The following ROBO1 variants were observed in gnomAD, a reference collection of about 807,000 sequenced individuals.
The protein encoded by ROBO1 is roundabout guidance receptor 1.
Under a neutral mutation model 195.9 loss-of-function variants are expected in ROBO1, and 149 were observed. The observed-to-expected ratio is 0.76, with a 90% confidence interval of 0.67 to 0.87. The LOEUF is 0.87. Among genes scored for constraint, ROBO1 ranks in the 40% least tolerant of loss-of-function variants. The probability of loss-of-function intolerance (pLI) is 0.00; values close to 1 mark genes in which losing one functional copy is unlikely to be tolerated. For synonymous variants in ROBO1, 816 were observed against 733.2 expected (o/e 1.11, Z -1.82); for missense variants, 1,933 against 2,068.3 (o/e 0.93, Z 1.27).
chr3:78,954,322 T>A (rs1254457167), intron 3 of ROBO1, among the ~76,000 whole-genome samples: 1 of 151,998 alleles, frequency 6.6e-6, no homozygotes, highest in African/African-American at 2.4e-5. Context: ...AAAGACACAC[T>A]AGTGCTTTTA....
intron 1 of ROBO1, among the ~76,000 whole-genome samples, chr3:79,677,667 A>G (rs1286220157): frequency 6.6e-6 from 1 of 152,112 alleles, no homozygotes; most frequent in African/African-American, 2.4e-5. Context: ...ATGCAACTGC[A>G]AGTGGTCTCT....
intron 2 of ROBO1, among the ~76,000 whole-genome samples, chr3:79,242,439 G>A (rs186612419): frequency 2.3e-4 from 35 of 152,218 alleles, no homozygotes; most frequent in Non-Finnish European, 4.1e-4. Flanking sequence ...TGAAGCCATA[G>A]GGGCACAAGG....
chr3:78,668,442 A>AT (rs750391474), intron 12 of ROBO1, 42 bp downstream of exon 12: 1 of 1,607,904 alleles, frequency 6.2e-7, no homozygotes, highest in Admixed American at 1.7e-5. Context: ...AAACAACTGC[A>AT]TTTTAAGCTT....
chr3:78,617,759 T>C lies in ROBO1; in HGVS notation c.4158A>G (p.Gly1386=), dbSNP rs2107394858. ...SASEEDNISS[G]RSSVSSSDGS... ...CGTCCGAAGAACTAACACTGGAGCGTCCGCTGGAAATGTTGTCCTCCTCTG... is the reference window on the plus strand; with the variant it reads ...CGTCCGAAGAACTAACACTGGAGCGCCCGCTGGAAATGTTGTCCTCCTCTG... Residue 1386 remains glycine, a synonymous_variant, in exon 27 of 31, where the codon GGA becomes GGG. Transcript: ENST00000464233. 1 of 1,613,926 alleles carries C rather than the reference T, an allele frequency of 6.2e-7. No homozygotes were observed. The highest frequency in any genetic ancestry group is 8.5e-7 in the Non-Finnish European group (1 of 1,179,874).
At chr3:78,628,059 T>A (rs1704930665) in intron 25 of ROBO1, among the ~76,000 whole-genome samples, 3 of 151,274 alleles carry the variant, frequency 2.0e-5, no homozygotes. Context: ...GTTCAAGCAA[T>A]TCTTTTGGCT....
At chr3:79,666,659 C>T (rs777429411) in intron 1 of ROBO1, among the ~76,000 whole-genome samples, 19 of 151,824 alleles carry the variant, frequency 1.3e-4, no homozygotes, top group Non-Finnish European at 2.8e-4. Context: ...GTAAGACATG[C>T]CTTTCCTTTT....
intron 1 of ROBO1, among the ~76,000 whole-genome samples, chr3:79,728,545 T>C (rs901104195): frequency 2.0e-5 from 3 of 152,172 alleles, no homozygotes; most frequent in Non-Finnish European, 4.4e-5. Context: ...TACAACAAAC[T>C]ATAATTTAAA....
chr3:79,066,252 C>T (rs764901771), intron 3 of ROBO1, among the ~76,000 whole-genome samples: 5 of 151,768 alleles, frequency 3.3e-5, no homozygotes, highest in South Asian at 2.1e-4. Context: ...AAGCCAAAAT[C>T]GAGGTTATTT....
At chr3:79,623,220 C>T (rs1331925385) in intron 1 of ROBO1, among the ~76,000 whole-genome samples, 4 of 152,166 alleles carry the variant, frequency 2.6e-5, no homozygotes, top group African/African-American at 9.7e-5. Context: ...CAAAACTAGA[C>T]AAACTCACAA....
At chr3:79,537,248 C>A (rs1232222315) in intron 2 of ROBO1, among the ~76,000 whole-genome samples, 1 of 151,874 alleles carries the variant, frequency 6.6e-6, no homozygotes, top group Non-Finnish European at 1.5e-5. Flanking sequence ...AGAAGGTTGT[C>A]TTGGGTTAGA....
At chr3:78,753,511 A>C (rs1320959958) in intron 4 of ROBO1, among the ~76,000 whole-genome samples, 1 of 152,168 alleles carries the variant, frequency 6.6e-6, no homozygotes, top group African/African-American at 2.4e-5. Flanking sequence ...TACATCAGTA[A>C]GGATCAATTT....
chr3:79,744,534 T>G (rs2134308), intron 1 of ROBO1, among the ~76,000 whole-genome samples: 8 of 152,114 alleles, frequency 5.3e-5, no homozygotes, highest in Admixed American at 2.0e-4. Flanking sequence ...AGGCCAGAGA[T>G]CTAGCTCTCT....
intron 2 of ROBO1, among the ~76,000 whole-genome samples, chr3:79,514,465 T>A (rs1311542865): frequency 6.6e-6 from 1 of 151,960 alleles, no homozygotes; most frequent in Non-Finnish European, 1.5e-5. Context: ...GTCAATATCA[T>A]TTTTTTTCTT....
At chr3:78,914,512 T>C (rs1490356672) in intron 4 of ROBO1, among the ~76,000 whole-genome samples, 1 of 151,960 alleles carries the variant, frequency 6.6e-6, no homozygotes, top group Non-Finnish European at 1.5e-5. Context: ...CAACATCCTA[T>C]TTGGGCTCCA....
intron 2 of ROBO1, among the ~76,000 whole-genome samples, chr3:79,208,275 C>T (rs541650757): frequency 6.6e-6 from 1 of 152,276 alleles, no homozygotes; most frequent in African/African-American, 2.4e-5. Flanking sequence ...CCTGGTAGAC[C>T]TCATTTTACT....
intron 1 of ROBO1, among the ~76,000 whole-genome samples, chr3:79,642,313 G>A (rs915973326): frequency 6.6e-6 from 1 of 152,050 alleles, no homozygotes; most frequent in Non-Finnish European, 1.5e-5. Context: ...AGAATTATTA[G>A]TATTCAAGGG....
intron 7 of ROBO1, among the ~76,000 whole-genome samples, chr3:78,716,448 C>T (rs762548534): frequency 6.6e-6 from 1 of 152,110 alleles, no homozygotes; most frequent in Non-Finnish European, 1.5e-5. Flanking sequence ...TGAGAACTCA[C>T]TCACTATCAC....
intron 3 of ROBO1, among the ~76,000 whole-genome samples, chr3:79,064,914 G>A (rs941354511): frequency 6.6e-6 from 1 of 151,884 alleles, no homozygotes; most frequent in Non-Finnish European, 1.5e-5. Context: ...AGACAGTCGG[G>A]GGACTGAAAA....
chr3:79,230,123 C>A (rs753424358), intron 2 of ROBO1, among the ~76,000 whole-genome samples: 37 of 152,128 alleles, frequency 2.4e-4, no homozygotes, highest in Non-Finnish European at 4.1e-4. Flanking sequence ...CTCCAATCCT[C>A]TGCACCTTCA....
Sources: allele counts gnomAD v4.1 joint callset (sites outside exome capture counted in the v4.1 genomes callset), GRCh38; gene constraint gnomAD v4.1.1; transcripts MANE v1.5; gene names NCBI Gene and HGNC (gene_info 2026-07-23, HGNC 2026-07-21).